MYCBP2: variants seen among roughly 807,000 people sequenced by gnomAD.
MYCBP2 encodes the protein E3 ubiquitin-protein ligase MYCBP2.
MYCBP2 carries 120 observed loss-of-function variants against 525.3 expected under a neutral mutation model. The observed-to-expected ratio is 0.23, with a 90% CI of 0.20 to 0.27. The LOEUF is 0.27. Among genes scored for constraint, MYCBP2 ranks in the 10% least tolerant of loss-of-function variants. MYCBP2 has a pLI of 1.00. For missense variants in MYCBP2, 4,149 were observed against 5,657.1 expected, an observed-to-expected ratio of 0.73 and a Z score of 8.55; for synonymous variants, 1,894 against 1,955.8, an observed-to-expected ratio of 0.97 and a Z score of 0.83.
Position 77,273,602 on chromosome 13 carries a change from T to C in MYCBP2, c.815A>G (p.Gln272Arg). Residue 272 changes from glutamine to arginine, a missense_variant, in exon 5 of 83, where the codon CAG becomes CGG. Physicochemically the swap from Gln to Arg is conservative, Grantham distance 43. This residue lies in a region of MYCBP2 where 413 missense variants were observed against 451.2 expected (regional missense o/e 0.92). Coordinates refer to ENST00000544440, the MANE Select transcript of MYCBP2 (RefSeq NM_015057.5). ...AGCACAGGAAAGTGCTGTTAAGGACTGTCCTGTGCTGTCATTCATCCCAGT... is the reference window on the plus strand; with the variant it reads ...AGCACAGGAAAGTGCTGTTAAGGACCGTCCTGTGCTGTCATTCATCCCAGT... ...RSTGMNDSTG[Q>R]SLTALSCACL... 1.2e-6 allele frequency: 2 copies of C among 1,601,500 alleles called. No homozygotes were observed. Among genetic ancestry groups the C allele is most frequent in the Non-Finnish European group, 1.7e-6 (2 of 1,176,832 alleles).
chr13:77,266,746 G>GAAAAAAAAAAAAA (rs56408804), intron 8 of MYCBP2, among the ~76,000 whole-genome samples: 8 of 89,412 alleles, frequency 8.9e-5, no homozygotes, highest in African/African-American at 3.6e-4. Context: ...GACTTGTAAT[G>GAAAAAAAAAAAAA]AAAAAAAAAA....
chr13:77,095,550 G>A lies in MYCBP2; in HGVS notation c.10007C>T (p.Pro3336Leu), dbSNP rs774955596. The A allele has an allele frequency of 6.2e-7, 1 of 1,613,474 alleles. No individual in the cohort carries two copies. The highest frequency in any genetic ancestry group is 8.5e-7 in the Non-Finnish European group (1 of 1,179,650). ...PMQVKTPRALPTMEAHQVIKA... is the reference protein window; with the variant it reads ...PMQVKTPRALLTMEAHQVIKA... ...AATCACCTGGTGAGCTTCCATGGTGGGCAAGGCACGAGGGGTCTTGACTTG... is the reference window on the plus strand; with the variant it reads ...AATCACCTGGTGAGCTTCCATGGTGAGCAAGGCACGAGGGGTCTTGACTTG... The change falls in exon 58 of 83, where the codon CCC (proline) becomes CTC (leucine). Residue 3336 changes from proline (P) to leucine (L), a missense_variant. Pro to Leu is a moderately conservative substitution (Grantham distance 98). This residue lies in a region of MYCBP2 where 509 missense variants were observed against 789.4 expected (regional missense o/e 0.64). Coordinates refer to ENST00000544440, the MANE Select transcript of MYCBP2 (RefSeq NM_015057.5).
chr13:77,197,729 A>C (rs1210831161), intron 26 of MYCBP2, among the ~76,000 whole-genome samples: 1 of 152,154 alleles, frequency 6.6e-6, no homozygotes. Context: ...TATGAAAACA[A>C]AACAAAACAA....
chr13:77,240,948 A>G (rs1365384853), intron 17 of MYCBP2, among the ~76,000 whole-genome samples: 4 of 152,240 alleles, frequency 2.6e-5, no homozygotes, highest in Non-Finnish European at 5.9e-5. Flanking sequence ...ATTTATGTAC[A>G]CCAATAATCT....
intron 38 of MYCBP2, among the ~76,000 whole-genome samples, chr13:77,170,792 G>A (rs532275373): frequency 5.3e-5 from 8 of 151,802 alleles, no homozygotes; most frequent in African/African-American, 9.7e-5. Flanking sequence ...GCTCAGGCTC[G>A]TCTCAAACTC....
chr13:77,209,413 A>G (rs542003008), intron 23 of MYCBP2, among the ~76,000 whole-genome samples: 1 of 152,244 alleles, frequency 6.6e-6, no homozygotes, highest in Non-Finnish European at 1.5e-5. Context: ...TTCATTTAAA[A>G]ATAAAACATG....
intron 75 of MYCBP2, 48 bp from the exon 76 acceptor site, chr13:77,061,349 TGAAAGG>T (rs1324404895): frequency 6.8e-7 from 1 of 1,462,706 alleles, no homozygotes; most frequent in South Asian, 1.3e-5. Context: ...TTTATCACTC[TGAAAGG>T]GAGAGTATAA....
At chr13:77,116,561 C>T (rs1050448672) in intron 55 of MYCBP2, among the ~76,000 whole-genome samples, 25 of 151,918 alleles carry the variant, frequency 1.6e-4, no homozygotes, top group East Asian at 1.9e-4. Context: ...AATTTAGAGA[C>T]GTCCTGTTGC....
At chr13:77,094,856 T>C (rs2045993856) in intron 58 of MYCBP2, among the ~76,000 whole-genome samples, 1 of 152,166 alleles carries the variant, frequency 6.6e-6, no homozygotes, top group Non-Finnish European at 1.5e-5. Flanking sequence ...CACATGGCAT[T>C]TCAAATGTTT....
At chr13:77,126,255 G>A (rs2051652827) in intron 53 of MYCBP2, 63 bp downstream of exon 53, 2 of 1,400,972 alleles carry the variant, frequency 1.4e-6, no homozygotes, top group African/African-American at 1.4e-5. Context: ...TAGAAGAGAT[G>A]CTTTGGTTGT....
rs1202780134 is a variant in MYCBP2 at position 77,071,304 on chromosome 13, CACACAA to C, written c.11824-599_11824-594del. ...ACACACACACACACACACACACACA[CACACAA>C]ATCTTATCTAATCTTCGCAACAACC... On this transcript the variant is annotated intron_variant, in intron 68 of 82. Coordinates refer to ENST00000544440, the MANE Select transcript of MYCBP2 (RefSeq NM_015057.5). Among the ~76,000 whole-genome samples the C allele has an allele frequency of 2.5e-3, 378 of 151,660 alleles. 5 individuals carry two copies. The highest frequency in any genetic ancestry group is 8.2e-3 in the African/African-American group (338 of 41,290).
intron 57 of MYCBP2, among the ~76,000 whole-genome samples, chr13:77,095,946 G>A (rs2046184868): frequency 1.3e-5 from 2 of 151,956 alleles, no homozygotes; most frequent in African/African-American, 4.8e-5. Context: ...AAAGAAAAGA[G>A]AGAGTAGATA....
At chr13:77,317,805 T>A (rs533149339) in intron 1 of MYCBP2, among the ~76,000 whole-genome samples, 1 of 152,178 alleles carries the variant, frequency 6.6e-6, no homozygotes, top group African/African-American at 2.4e-5. Context: ...GGCGTGGTGA[T>A]GTGCACCTGT....
intron 30 of MYCBP2, 122 bp downstream of exon 30, chr13:77,188,829 A>C (rs1415205264): frequency 1.8e-6 from 1 of 568,308 alleles, no homozygotes; most frequent in Non-Finnish European, 2.8e-6. Flanking sequence ...TGTGAATACA[A>C]AACCAAATCT....
intron 20 of MYCBP2, among the ~76,000 whole-genome samples, chr13:77,223,514 T>C (rs924740839): frequency 2.6e-5 from 4 of 152,204 alleles, no homozygotes; most frequent in Non-Finnish European, 4.4e-5. Flanking sequence ...CTGCATTACG[T>C]AGAATACAAA....
chr13:77,120,753 T>C (rs1373673918), intron 55 of MYCBP2, among the ~76,000 whole-genome samples: 1 of 152,182 alleles, frequency 6.6e-6, no homozygotes, highest in Non-Finnish European at 1.5e-5. Context: ...CAGTCCATGA[T>C]GCTGGTCTCT....
At position 77,098,457 on chromosome 13, in the gene MYCBP2, T is replaced by C. The variant is rs377267671; in HGVS notation, c.8697A>G (p.Pro2899=). The C allele has an allele frequency of 1.0e-4, 161 of 1,613,602 alleles. No individual in the cohort carries two copies. The highest frequency in any genetic ancestry group is 1.3e-4 in the Non-Finnish European group (159 of 1,179,810). ...AATCCTTTGGTACTGATTTTGGTTT[T>C]GGTGACGTTGACCGTCCTCTCAAAG... ...TEPLRGRSTS[P]KPKSVPKDST... The change falls in exon 56 of 83, where the codon CCA becomes CCG. Residue 2899 remains proline, a synonymous_variant. Coordinates refer to ENST00000544440, the MANE Select transcript of MYCBP2 (RefSeq NM_015057.5).
At position 77,097,492 on chromosome 13, in the gene MYCBP2, C is replaced by T. The variant is rs1383070614; in HGVS notation, c.9662G>A (p.Gly3221Asp). 1.2e-6 allele frequency: 2 copies of T among 1,613,156 alleles called. No homozygotes were observed. Among genetic ancestry groups the T allele is most frequent in the Non-Finnish European group, 1.7e-6 (2 of 1,179,652 alleles). The change falls in exon 56 of 83, where the codon GGT (glycine) becomes GAT (aspartate). Residue 3221 changes from glycine to aspartate, a missense_variant. Coordinates refer to ENST00000544440, the MANE Select transcript of MYCBP2 (RefSeq NM_015057.5). ...CTGGGCCATCTCTCCAAACAAATTA[C>T]CCCTGGGCCTAACTTCTGCCTTTTC... ...KKEKAEVRPR[G>D]NLFGEMAQLA...
intron 61 of MYCBP2, 86 bp downstream of exon 61, chr13:77,088,746 G>C (rs1463645437): frequency 8.4e-7 from 1 of 1,184,830 alleles, no homozygotes. Flanking sequence ...CACAATTTCT[G>C]TTGGTAAAAA....
Sources: gnomAD v4.1 joint callset for allele counts (sites outside exome capture counted in the v4.1 genomes callset) on GRCh38, gnomAD v4.1.1 for gene constraint, gnomAD v4.1.1 regional missense constraint, MANE v1.5 for transcripts, NCBI Gene and HGNC (gene_info 2026-07-23, HGNC 2026-07-21) for gene names.